ASAP2: variants seen among roughly 807,000 people sequenced by gnomAD.
ASAP2 encodes the protein ArfGAP with SH3 domain, ankyrin repeat and PH domain 2.
A neutral mutation model predicts 131.4 loss-of-function variants in ASAP2; 45 were observed. The ratio of observed to expected loss-of-function variants is 0.34; its 90% CI spans 0.27 to 0.44. The LOEUF (loss-of-function observed/expected upper bound fraction) is 0.44. ASAP2 is among the 20% of genes least tolerant of loss of function. ASAP2 has a pLI of 1.00. For synonymous variants in ASAP2, 510 were observed against 503.0 expected (o/e 1.01, Z -0.19); for missense variants, 1,011 against 1,297.0 (o/e 0.78, Z 3.39).
At chr2:9,250,402 G>C (rs1267913108) in intron 1 of ASAP2, among the ~76,000 whole-genome samples, 1 of 152,200 alleles carries the variant, frequency 6.6e-6, no homozygotes, top group African/African-American at 2.4e-5. Context: ...CGGTGCCCCA[G>C]GTGCCATGCA....
chr2:9,262,670 C>CCT (rs1308011826), intron 1 of ASAP2, among the ~76,000 whole-genome samples: 17 of 152,328 alleles, frequency 1.1e-4, no homozygotes, highest in Admixed American at 9.8e-4. Flanking sequence ...TTCCTTAAAG[C>CCT]CTCTGTTCAC....
In ASAP2 at chr2:9,389,384, C is replaced by T. The variant is rs1270765635; in HGVS notation, c.2383+838C>T. Reference sequence around the variant, plus strand: ...AGAGCATGTATCCAGGCATTGTGGCCGCTGTGAGCCGCTGATGGAGTGGAG... The same window carrying T: ...AGAGCATGTATCCAGGCATTGTGGCTGCTGTGAGCCGCTGATGGAGTGGAG... On this transcript the variant is annotated intron_variant, in intron 22 of 27. Coordinates refer to ENST00000281419, the MANE Select transcript of ASAP2 (RefSeq NM_003887.3). This position sits in a 1 kb window ranked among gnomAD's most constrained non-coding sequence, Gnocchi z 4.7. Among the ~76,000 whole-genome samples, 3 of 152,170 alleles carry T rather than the reference C, an allele frequency of 2.0e-5. No homozygotes were observed. The highest frequency in any genetic ancestry group is 6.5e-5 in the Admixed American group (1 of 15,280).
intron 20 of ASAP2, among the ~76,000 whole-genome samples, chr2:9,381,147 C>A (rs889538820): frequency 3.3e-5 from 5 of 152,144 alleles, no homozygotes; most frequent in African/African-American, 1.2e-4. Context: ...TGTTTACTTG[C>A]TACTTTGCAG....
At chr2:9,238,483 C>A (rs539115360) in intron 1 of ASAP2, among the ~76,000 whole-genome samples, 143 of 152,328 alleles carry the variant, frequency 9.4e-4, no homozygotes, top group Middle Eastern at 6.8e-3. Context: ...CACTTTCATC[C>A]ACCTTCCCAT....
At chr2:9,334,065 T>G (rs1259940967) in intron 7 of ASAP2, among the ~76,000 whole-genome samples, 16 of 96,260 alleles carry the variant, frequency 1.7e-4, no homozygotes, top group East Asian at 3.9e-4. Context: ...TTTTTTTTTT[T>G]GGGAGACAGT....
At chr2:9,265,919 C>T (rs915554690) in intron 1 of ASAP2, among the ~76,000 whole-genome samples, 9 of 152,104 alleles carry the variant, frequency 5.9e-5, no homozygotes, top group Non-Finnish European at 1.0e-4. Context: ...ATTACAGGCG[C>T]GTGCCACCAT....
chr2:9,383,806 A>T (rs1030211511), intron 20 of ASAP2, among the ~76,000 whole-genome samples: 2 of 152,200 alleles, frequency 1.3e-5, no homozygotes, highest in African/African-American at 2.4e-5. Context: ...AATGTGGCAC[A>T]TATACACCGT....
chr2:9,365,889 G>A (rs1332665557), intron 15 of ASAP2, among the ~76,000 whole-genome samples: 3 of 152,170 alleles, frequency 2.0e-5, no homozygotes, highest in South Asian at 2.1e-4. Flanking sequence ...GAAGGGCGAC[G>A]GACTGGGCTG....
chr2:9,238,922 G>A (rs971005465), intron 1 of ASAP2, among the ~76,000 whole-genome samples: 2 of 152,150 alleles, frequency 1.3e-5, no homozygotes, highest in African/African-American at 2.4e-5. Context: ...CTTCCTTCCT[G>A]ATCTGTTTGC....
intron 4 of ASAP2, among the ~76,000 whole-genome samples, chr2:9,318,857 A>G (rs1418616453): frequency 1.3e-5 from 2 of 152,218 alleles, no homozygotes; most frequent in Non-Finnish European, 2.9e-5. Context: ...GAAAACTGCT[A>G]TTTTGGAAAA....
At chr2:9,324,273 C>A (rs368234575) in intron 6 of ASAP2, among the ~76,000 whole-genome samples, 1 of 152,090 alleles carries the variant, frequency 6.6e-6, no homozygotes, top group East Asian at 1.9e-4. Context: ...GTTTTTATTC[C>A]CAGAGCAGAC....
chr2:9,280,472 G>A (rs1016101757), intron 2 of ASAP2, among the ~76,000 whole-genome samples: 3 of 152,158 alleles, frequency 2.0e-5, no homozygotes, highest in African/African-American at 7.2e-5. Flanking sequence ...GAAATCCCAG[G>A]TGCAGGATAA....
chr2:9,324,009 G>A (rs1193707752), intron 6 of ASAP2, among the ~76,000 whole-genome samples: 7 of 152,218 alleles, frequency 4.6e-5, no homozygotes, highest in African/African-American at 9.7e-5. Context: ...CAGTGCCAGC[G>A]AAGCTCCCTT....
rs538807160 is a variant in ASAP2 at position 9,355,933 on chromosome 2, A to G, written c.1112-114A>G. Reference sequence around the variant, plus strand: ...GTGCCTGATTTTATACAAATCAGTAATTTCGTAACAGAGAGCTAAGATTAT... The same window carrying G: ...GTGCCTGATTTTATACAAATCAGTAGTTTCGTAACAGAGAGCTAAGATTAT... On this transcript the variant is annotated intron_variant, in intron 12 of 27. Coordinates refer to ENST00000281419, the MANE Select transcript of ASAP2 (RefSeq NM_003887.3). 259 of 1,311,240 alleles carry G rather than the reference A, an allele frequency of 2.0e-4. 2 individuals are homozygous for G. Among genetic ancestry groups the G allele is most frequent in the Middle Eastern group, 6.2e-4 (3 of 4,832 alleles). The allele number at this position is 1,311,240 out of a possible 1,614,324, so 81.2% of individuals were successfully genotyped here.
At chr2:9,326,027 A>T (rs1463953147) in intron 6 of ASAP2, among the ~76,000 whole-genome samples, 1 of 152,220 alleles carries the variant, frequency 6.6e-6, no homozygotes, top group African/African-American at 2.4e-5. Flanking sequence ...GAGAAAGATC[A>T]TTTGAAAAAC....
intron 1 of ASAP2, among the ~76,000 whole-genome samples, chr2:9,266,792 G>T (rs190215727): frequency 1.0e-3 from 155 of 152,302 alleles, no homozygotes; most frequent in African/African-American, 3.7e-3. Context: ...TAGTAAGATT[G>T]CCCAAAACCA....
At chr2:9,309,521 A>G (rs1244444434) in intron 3 of ASAP2, among the ~76,000 whole-genome samples, 1 of 152,170 alleles carries the variant, frequency 6.6e-6, no homozygotes, top group East Asian at 1.9e-4. Context: ...ACAAGAAAAC[A>G]TCCTCTTGGG....
At chr2:9,331,112 G>A (rs952970528) in intron 7 of ASAP2, among the ~76,000 whole-genome samples, 1 of 152,184 alleles carries the variant, frequency 6.6e-6, no homozygotes, top group African/African-American at 2.4e-5. Context: ...CGCCCCCAAG[G>A]GCACAGCTTT....
chr2:9,354,597 G>A (rs1422870390), intron 12 of ASAP2, among the ~76,000 whole-genome samples: 2 of 148,112 alleles, frequency 1.4e-5, no homozygotes, highest in South Asian at 2.1e-4. Flanking sequence ...TGCACTGCAC[G>A]TTTGCACCAC....
Sources: allele counts gnomAD v4.1 joint callset (sites outside exome capture counted in the v4.1 genomes callset), GRCh38; gene constraint gnomAD v4.1.1; non-coding constraint Gnocchi (gnomAD v3.1); transcripts MANE v1.5; gene names NCBI Gene and HGNC (gene_info 2026-07-23, HGNC 2026-07-21).